The following SLC44A4 variants were observed in gnomAD, a reference collection of about 807,000 sequenced individuals.
SLC44A4 encodes the protein solute carrier family 44 member 4.
SLC44A4 carries 74 observed loss-of-function variants against 97.0 expected under a neutral mutation model. That is an observed-to-expected ratio of 0.76 (90% CI 0.63 to 0.93). The LOEUF (loss-of-function observed/expected upper bound fraction) is 0.93, where lower values mean the gene tolerates loss of function less well. SLC44A4 is among the 40% of genes least tolerant of loss of function. SLC44A4 has a pLI of 0.00. For missense variants in SLC44A4, 799 were observed against 902.9 expected, an observed-to-expected ratio of 0.88 and a Z score of 1.48; for synonymous variants, 325 against 363.8, an observed-to-expected ratio of 0.89 and a Z score of 1.21.
Position 31,865,329 on chromosome 6 carries a change from C to T in SLC44A4, c.1746G>A (p.Met582Ile). ...VSAKNAFMLLMRNIVRVVVLD... is the reference protein window; with the variant it reads ...VSAKNAFMLLIRNIVRVVVLD... ...AGCAGCCTAACCTGACAATGTTTCG[C>T]ATGAGTAGCATGAACGCATTTTTGG... is the stretch of plus-strand genomic sequence containing the variant. The change falls in exon 17 of 21, where the codon ATG (methionine) becomes ATA (isoleucine). Residue 582 changes from methionine to isoleucine, a missense_variant. Physicochemically the swap from Met to Ile is conservative, Grantham distance 10 (BLOSUM62 1). This residue lies in a region of SLC44A4 where 379 missense variants were observed against 438.3 expected (regional missense o/e 0.86). Coordinates refer to ENST00000229729, the MANE Select transcript of SLC44A4 (RefSeq NM_025257.3). This position sits in a 1 kb window ranked among gnomAD's most constrained non-coding sequence, Gnocchi z 5.2. The T allele has an allele frequency of 6.2e-7, 1 of 1,614,030 alleles. No individual in the cohort carries two copies.
rs1763314403 is a variant in SLC44A4 at position 31,874,108 on chromosome 6, C to A, written c.529+352G>T. On this transcript the variant is annotated intron_variant, in intron 7 of 20. Transcript: ENST00000229729. The surrounding 1 kb of genome is among the most constrained non-coding windows in gnomAD (Gnocchi z 4.8). Reference sequence around the variant, plus strand: ...CCAGCCTGGGCAACAGAGGAAGACTCCGTCAAAAAAAAAAAAATGTGTGTG... The same window carrying A: ...CCAGCCTGGGCAACAGAGGAAGACTACGTCAAAAAAAAAAAAATGTGTGTG... Among the ~76,000 whole-genome samples, 1 of 151,408 alleles carries A rather than the reference C, an allele frequency of 6.6e-6. No individual in the cohort carries two copies. Among genetic ancestry groups the A allele is most frequent in the Non-Finnish European group, 1.5e-5 (1 of 67,854 alleles).
intron 20 of SLC44A4, chr6:31,864,383 G>A (rs974893542): frequency 2.4e-4 from 135 of 566,046 alleles, no homozygotes; most frequent in Middle Eastern, 9.3e-4. Flanking sequence ...GCCTCTAATG[G>A]CTAACTTCTA....
chr6:31,870,796 T>C lies in SLC44A4; in HGVS notation c.937+16A>G, dbSNP rs1188907079. The C allele has an allele frequency of 1.9e-6, 3 of 1,612,398 alleles. No individual in the cohort carries two copies. The highest frequency in any genetic ancestry group is 2.2e-5 in the South Asian group (2 of 91,044). On this transcript the variant is annotated intron_variant, in intron 10 of 20. Coordinates refer to ENST00000229729, the MANE Select transcript of SLC44A4 (RefSeq NM_025257.3). ...CCTTGGGCAGCTGGTGGCTTGGGGGTGGGCAGGACACTCACGGGCGGCCAG... is the reference window on the plus strand; with the variant it reads ...CCTTGGGCAGCTGGTGGCTTGGGGGCGGGCAGGACACTCACGGGCGGCCAG...
intron 11 of SLC44A4, 35 bp from the exon 12 acceptor site, chr6:31,869,672 C>G: frequency 6.5e-7 from 1 of 1,535,400 alleles, no homozygotes; most frequent in Non-Finnish European, 8.9e-7. Flanking sequence ...CGGCACCGCC[C>G]CAGCTGTCCA....
chr6:31,869,607 G>A lies in SLC44A4; in HGVS notation c.1068C>T (p.Phe356=). The change falls in exon 12 of 21, where the codon TTC becomes TTT. Residue 356 remains phenylalanine, a synonymous_variant. Coordinates refer to ENST00000229729, the MANE Select transcript of SLC44A4 (RefSeq NM_025257.3). ...GGAGGACAAAGGTGACCAGTGGGTA[G>A]AACATGGTAGACATCATCTGTCCCA... ...KAVGQMMSTM[F]YPLVTFVLLL... is the part of the protein sequence containing the mutation. 1 of 1,605,556 alleles carries A rather than the reference G, an allele frequency of 6.2e-7. No homozygotes were observed. The highest frequency in any genetic ancestry group is 2.2e-5 in the East Asian group (1 of 44,740).
chr6:31,865,857 C>G lies in SLC44A4; in HGVS notation c.1487+16G>C. On this transcript the variant is annotated intron_variant, in intron 14 of 20. Coordinates refer to ENST00000229729, the MANE Select transcript of SLC44A4 (RefSeq NM_025257.3). The surrounding 1 kb of genome is among the most constrained non-coding windows in gnomAD (Gnocchi z 5.2). Reference sequence around the variant, plus strand: ...CCCCCGTGCCTACAATGACCAGGCCCCTGCCCCATCCTTACCGGAGTGTGC... The same window carrying G: ...CCCCCGTGCCTACAATGACCAGGCCGCTGCCCCATCCTTACCGGAGTGTGC... 1.9e-6 allele frequency: 3 copies of G among 1,614,020 alleles called. No individual in the cohort carries two copies. The highest frequency in any genetic ancestry group is 2.5e-6 in the Non-Finnish European group (3 of 1,179,926).
chr6:31,874,399 C>T lies in SLC44A4; in HGVS notation c.529+61G>A. The T allele has an allele frequency of 6.3e-7, 1 of 1,575,484 alleles. No individual in the cohort carries two copies. The highest frequency in any genetic ancestry group is 8.7e-7 in the Non-Finnish European group (1 of 1,146,822). On this transcript the variant is annotated intron_variant, in intron 7 of 20. Transcript: ENST00000229729. This position sits in a 1 kb window ranked among gnomAD's most constrained non-coding sequence, Gnocchi z 4.8. Reference sequence around the variant, plus strand: ...TCACTCTCTCTGGGCCTGATTTCTTCATTCAAGCAATGAAAACACTGGACT... The same window carrying T: ...TCACTCTCTCTGGGCCTGATTTCTTTATTCAAGCAATGAAAACACTGGACT...
At chr6:31,867,824 C>CT (rs3997888) in intron 13 of SLC44A4, among the ~76,000 whole-genome samples, 51,700 of 137,482 alleles carry the variant, frequency 0.38, 11,308 homozygotes, top group African/African-American at 0.59. Flanking sequence ...GTAAATAAAC[C>CT]TTTTTTTTTT....
rs1202496502 is a variant in SLC44A4 at position 31,877,602 on chromosome 6, AG to A, written c.41-521del. On this transcript the variant is annotated intron_variant, in intron 1 of 20. Coordinates refer to ENST00000229729, the MANE Select transcript of SLC44A4 (RefSeq NM_025257.3). This position sits in a 1 kb window ranked among gnomAD's most constrained non-coding sequence, Gnocchi z 6.5. ...CTATGGGGAAAGAAACTGGAGACAAAGGTGTCAACCCCAGCAGGGCCTGGGG... is the reference window on the plus strand; with the variant it reads ...CTATGGGGAAAGAAACTGGAGACAAAGTGTCAACCCCAGCAGGGCCTGGGG... 1.0e-6 allele frequency: 1 copy of A among 987,836 alleles called. No homozygotes were observed. The highest frequency in any genetic ancestry group is 1.2e-6 in the Non-Finnish European group (1 of 831,514). 61.2% of individuals were successfully genotyped at this position (987,836 alleles called of 1,614,324 possible).
chr6:31,878,664 G>A lies in SLC44A4; in HGVS notation c.40+277C>T, dbSNP rs1305142044. ...CCTTAGGGACCCAGAGTCCAGGCCT[G>A]AAATACCCCCCTCCTCCCAAGGACC... is the stretch of plus-strand genomic sequence containing the variant. On this transcript the variant is annotated intron_variant, in intron 1 of 20. Transcript: ENST00000229729. The surrounding 1 kb of genome is among the most constrained non-coding windows in gnomAD (Gnocchi z 4.0). 6.6e-6 allele frequency among the ~76,000 whole-genome samples: 1 copy of A among 151,266 alleles called. No homozygotes were observed. Among genetic ancestry groups the A allele is most frequent in the Non-Finnish European group, 1.5e-5 (1 of 67,836 alleles).
In SLC44A4 at chr6:31,876,918, G is replaced by A. The variant is rs118007953; in HGVS notation, c.89+116C>T. 9.7e-3 allele frequency: 10,721 copies of A among 1,099,840 alleles called. 192 individuals are homozygous for A. Among genetic ancestry groups the A allele is most frequent in the South Asian group, 0.042 (2,692 of 64,136 alleles). 68.1% of individuals were successfully genotyped at this position (1,099,840 alleles called of 1,614,324 possible). On this transcript the variant is annotated intron_variant, in intron 2 of 20. Coordinates refer to ENST00000229729, the MANE Select transcript of SLC44A4 (RefSeq NM_025257.3). The surrounding 1 kb of genome is among the most constrained non-coding windows in gnomAD (Gnocchi z 4.8). The stretch of plus-strand genomic sequence containing the variant: ...CCAGGGCACCACCCATCTGGGGCAG[G>A]AGTTTCTCTTTTTCACAAGTTTCCT...
rs2151549918 is a variant in SLC44A4 at position 31,863,508 on chromosome 6, AGCCACGGC to A, written c.*111_*118del. On this transcript the variant is annotated 3_prime_UTR_variant, in exon 21 of 21. Transcript: ENST00000229729. ...CTCAAAGTGTTGGATTACAGGCGTG[AGCCACGGC>A]GCCTGGCCTAAAACCTTTTTTTACC... 1.4e-6 allele frequency: 2 copies of A among 1,389,568 alleles called. No individual in the cohort carries two copies. Among genetic ancestry groups the A allele is most frequent in the East Asian group, 5.3e-5 (2 of 37,810 alleles). The allele number at this position is 1,389,568 out of a possible 1,614,324, so 86.1% of individuals were successfully genotyped here. A position where few individuals can be genotyped will look rare whatever the true frequency, so the allele number is the denominator to read the frequency against.
chr6:31,870,563 G>A (rs888289969), intron 11 of SLC44A4, 40 bp downstream of exon 11: 9 of 1,519,538 alleles, frequency 5.9e-6, no homozygotes, highest in African/African-American at 5.5e-5. Context: ...CTGGGTCCAC[G>A]CTGTCCTCAA....
rs758542145 is a variant in SLC44A4 at position 31,865,360 on chromosome 6, A to G, written c.1715T>C (p.Val572Ala). 1.2e-6 allele frequency: 2 copies of G among 1,614,036 alleles called. No individual in the cohort carries two copies. Among genetic ancestry groups the G allele is most frequent in the East Asian group, 4.5e-5 (2 of 44,880 alleles). ...TAGCATGAACGCATTTTTGGCTGAG[A>G]CACAGAAATTCTTCCCGTAGATGGC... ...MIAIYGKNFCVSAKNAFMLLM... is the reference protein window; with the variant it reads ...MIAIYGKNFCASAKNAFMLLM... The change falls in exon 17 of 21, where the codon GTC becomes GCC. Residue 572 changes from valine (V) to alanine (A), a missense_variant. Physicochemically the swap from Val to Ala is moderately conservative, Grantham distance 64. Around this residue, in one of 3 missense-constraint regions of SLC44A4, gnomAD observed 379 missense variants for 438.3 expected, o/e 0.86. Transcript: ENST00000229729. This position sits in a 1 kb window ranked among gnomAD's most constrained non-coding sequence, Gnocchi z 5.2.
At chr6:31,873,465 G>A (rs1763283386) in intron 7 of SLC44A4, among the ~76,000 whole-genome samples, 1 of 152,122 alleles carries the variant, frequency 6.6e-6, no homozygotes, top group African/African-American at 2.4e-5. Context: ...TTACAAGCAT[G>A]AGCCACCATG....
Position 31,875,610 on chromosome 6 carries a change from A to G in SLC44A4, c.242+242T>C, listed in dbSNP as rs369368631. On this transcript the variant is annotated intron_variant, in intron 4 of 20. Transcript: ENST00000229729. The stretch of plus-strand genomic sequence containing the variant: ...CACCAATCTCTGAACTGTAAAACTC[A>G]TACACTTAACACGACTCTCCACTGC... 1.4e-4 allele frequency among the ~76,000 whole-genome samples: 21 copies of G among 152,314 alleles called. No individual in the cohort carries two copies. In the East Asian group the frequency reaches 4.1e-3, roughly 29 times the overall value.
intron 9 of SLC44A4, 107 bp from the exon 10 acceptor site, chr6:31,871,154 G>C: frequency 1.6e-6 from 2 of 1,272,494 alleles, no homozygotes; most frequent in Non-Finnish European, 2.2e-6. Flanking sequence ...CCCCAGATTA[G>C]GCCTCTTTCC....
Position 31,874,591 on chromosome 6 carries a change from C to T in SLC44A4, c.469-71G>A. The T allele has an allele frequency of 1.3e-6, 2 of 1,579,670 alleles. No individual in the cohort carries two copies. The highest frequency in any genetic ancestry group is 1.7e-4 in the Middle Eastern group (1 of 5,864). On this transcript the variant is annotated intron_variant, in intron 6 of 20. Coordinates refer to ENST00000229729, the MANE Select transcript of SLC44A4 (RefSeq NM_025257.3). The surrounding 1 kb of genome is among the most constrained non-coding windows in gnomAD (Gnocchi z 4.8). ...GAAGAAGCAGGTCCCCTCACCACCA[C>T]CATGGGGCTCAGCCTGTCCCACACT...
chr6:31,863,414 C>A lies in SLC44A4; in HGVS notation c.*213G>T, dbSNP rs1210387777. On this transcript the variant is annotated 3_prime_UTR_variant, in exon 21 of 21. Coordinates refer to ENST00000229729, the MANE Select transcript of SLC44A4 (RefSeq NM_025257.3). ...CTAATTTTTGTATTTTTAATAGAGA[C>A]GGAGGTTTCACCATGTTGGCCAGGC... 2.1e-5 allele frequency: 11 copies of A among 532,146 alleles called. No individual in the cohort carries two copies. In the Admixed American group the frequency reaches 3.4e-4, roughly 16 times the overall value. The allele number at this position is 532,146 out of a possible 1,614,324, so 33.0% of individuals were successfully genotyped here. A position where few individuals can be genotyped will look rare whatever the true frequency, so the allele number is the denominator to read the frequency against.
Sources: gnomAD v4.1 joint callset for allele counts (sites outside exome capture counted in the v4.1 genomes callset) on GRCh38, gnomAD v4.1.1 for gene constraint, gnomAD v4.1.1 regional missense constraint, Gnocchi (gnomAD v3.1) non-coding constraint, MANE v1.5 for transcripts, NCBI Gene and HGNC (gene_info 2026-07-23, HGNC 2026-07-21) for gene names.